C1orf167: variants seen among roughly 807,000 people sequenced by gnomAD.
C1orf167 encodes uncharacterized protein C1orf167.
C1orf167 carries 153 observed loss-of-function variants against 176.5 expected under a neutral mutation model. That is an observed-to-expected ratio of 0.87 (90% CI 0.76 to 0.99). C1orf167 has a LOEUF of 0.99. C1orf167 is among the 50% of genes least tolerant of loss of function. The probability of loss-of-function intolerance (pLI) is 0.00; values close to 1 mark genes in which losing one functional copy is unlikely to be tolerated. For missense variants in C1orf167, 1,490 were observed against 1,817.7 expected (o/e 0.82, Z 3.28); for synonymous variants, 594 against 752.7 (o/e 0.79, Z 3.45).
At chr1:11,775,692 T>G in intron 9 of C1orf167, 82 bp downstream of exon 9, 1 of 1,234,938 alleles carries the variant, frequency 8.1e-7, no homozygotes, top group Non-Finnish European at 1.0e-6. Flanking sequence ...ATATGTGAAT[T>G]CTTGTGGGAG....
intron 8 of C1orf167, among the ~76,000 whole-genome samples, chr1:11,774,562 G>A (rs576698239): frequency 4.5e-4 from 69 of 152,300 alleles, no homozygotes; most frequent in African/African-American, 1.5e-3. Context: ...GCCTGGTGGA[G>A]GAAGATCAGA....
chr1:11,781,421 G>A (rs1055590266), intron 13 of C1orf167, among the ~76,000 whole-genome samples: 3 of 152,144 alleles, frequency 2.0e-5, no homozygotes, highest in Admixed American at 1.3e-4. Flanking sequence ...CCCAGGACAC[G>A]AACACAGGAT....
Position 11,788,170 on chromosome 1 carries a change from G to C in C1orf167, c.3870G>C (p.Leu1290=), listed in dbSNP as rs558100195. The C allele has an allele frequency of 2.3e-6, 3 of 1,290,752 alleles. No homozygotes were observed. Among genetic ancestry groups the C allele is most frequent in the Non-Finnish European group, 3.1e-6 (3 of 978,054 alleles). 80.0% of individuals were successfully genotyped at this position (1,290,752 alleles called of 1,614,324 possible). A position where few individuals can be genotyped will look rare whatever the true frequency, so the allele number is the denominator to read the frequency against. ...RRLRARSCRI[L]EKQAQAHGSA... ...CCAGTGCTCGTTCCTGCAGGATCCT[G>C]GAAAAGCAGGCCCAGGCCCATGGCT... The change falls in exon 19 of 21, where the codon CTG becomes CTC. Residue 1290 remains leucine (L), a synonymous_variant. Coordinates refer to ENST00000688073, the MANE Select transcript of C1orf167 (RefSeq NM_001010881.2).
intron 4 of C1orf167, 56 bp downstream of exon 4, chr1:11,767,320 A>G: frequency 8.0e-7 from 1 of 1,247,318 alleles, no homozygotes; most frequent in South Asian, 1.3e-5. Flanking sequence ...CGTGCTCAGG[A>G]CTCCGCTCCC....
rs754180384 is a variant in C1orf167 at position 11,767,088 on chromosome 1, AGAGGCCCGGG to A, written c.1299+9_1299+18del. 4 of 1,243,686 alleles carry A rather than the reference AGAGGCCCGGG, an allele frequency of 3.2e-6. No homozygotes were observed. The South Asian group carries it at 4.1e-5, about 13-fold the overall frequency. The allele number at this position is 1,243,686 out of a possible 1,614,324, so 77.0% of individuals were successfully genotyped here. On this transcript the variant is annotated splice_donor_5th_base_variant and intron_variant, in intron 3 of 20. Transcript: ENST00000688073. ...TCCCAGCGAGCAGTGCGTCGAAGGT[AGAGGCCCGGG>A]GAGGCTGGAGGTGGGGTAGGGGGTA...
chr1:11,764,121 G>T (rs569502966), intron 1 of C1orf167, among the ~76,000 whole-genome samples: 1 of 152,182 alleles, frequency 6.6e-6, no homozygotes, highest in East Asian at 1.9e-4. Context: ...GCAGGATGGG[G>T]CAGCATTTGA....
In C1orf167 at chr1:11,767,054, C is replaced by T. The variant is rs1642833145; in HGVS notation, c.1268C>T (p.Ser423Leu). Residue 423 changes from serine to leucine, a missense_variant, in exon 3 of 21, where the codon TCA becomes TTA. By Grantham distance (145) the Ser-to-Leu change is moderately radical. Coordinates refer to ENST00000688073, the MANE Select transcript of C1orf167 (RefSeq NM_001010881.2). ...REEERTAFHL[S>L]DTVPASSASK... ...GAGGAGAGGACAGCTTTCCATCTGT[C>T]AGACACAGTCCCAGCGAGCAGTGCG... 6 of 1,228,806 alleles carry T rather than the reference C, an allele frequency of 4.9e-6. No homozygotes were observed. Among genetic ancestry groups the T allele is most frequent in the Non-Finnish European group, 6.3e-6 (6 of 957,014 alleles). The allele number at this position is 1,228,806 out of a possible 1,614,324, so 76.1% of individuals were successfully genotyped here. A position where few individuals can be genotyped will look rare whatever the true frequency, so the allele number is the denominator to read the frequency against.
At chr1:11,788,116 A>G (rs1454887623) in intron 18 of C1orf167, 33 bp from the exon 19 acceptor site, 2 of 1,276,516 alleles carry the variant, frequency 1.6e-6, no homozygotes, top group African/African-American at 1.5e-5. Context: ...GGCTTGCCTG[A>G]GCCATGGCTA....
rs1642923671 is a variant in C1orf167 at position 11,768,899 on chromosome 1, C to G, written c.1543-74C>G. On this transcript the variant is annotated intron_variant, in intron 5 of 20. Transcript: ENST00000688073. This position sits in a 1 kb window ranked among gnomAD's most constrained non-coding sequence, Gnocchi z 4.5. ...TGATAGGCATGTGTTACTCCTGTCC[C>G]CGCCCCTGCCTGGTGTTCCCTTGGG... The G allele has an allele frequency of 5.2e-6, 5 of 966,626 alleles. No homozygotes were observed. In the Admixed American group the frequency reaches 3.1e-4, roughly 59 times the overall value. The allele number at this position is 966,626 out of a possible 1,614,324, so 59.9% of individuals were successfully genotyped here. A position where few individuals can be genotyped will look rare whatever the true frequency, so the allele number is the denominator to read the frequency against.
At chr1:11,767,311 G>A (rs907214722) in intron 4 of C1orf167, 47 bp downstream of exon 4, 25 of 1,263,242 alleles carry the variant, frequency 2.0e-5, no homozygotes, top group African/African-American at 6.1e-5. Flanking sequence ...TGGGGGACAC[G>A]TGCTCAGGAC....
chr1:11,778,500 G>C, intron 10 of C1orf167, 160 bp from the exon 11 acceptor site: 1 of 517,816 alleles, frequency 1.9e-6, no homozygotes, highest in Non-Finnish European at 2.9e-6. Context: ...AGCCGCTGTG[G>C]GGGGCAGCAG....
intron 14 of C1orf167, among the ~76,000 whole-genome samples, chr1:11,783,083 T>A (rs962042169): frequency 2.0e-5 from 3 of 152,072 alleles, no homozygotes; most frequent in Non-Finnish European, 2.9e-5. Context: ...TGTATACAGT[T>A]CATGAATGCA....
intron 2 of C1orf167, among the ~76,000 whole-genome samples, chr1:11,765,074 A>G (rs1179284095): frequency 1.3e-5 from 2 of 150,916 alleles, no homozygotes; most frequent in Non-Finnish European, 3.0e-5. Context: ...AAAAAAAAAA[A>G]AAAGAAAGCC....
chr1:11,766,503 G>T lies in C1orf167; in HGVS notation c.717G>T (p.Gln239His), dbSNP rs1267800200. The change falls in exon 3 of 21, where the codon CAG (glutamine) becomes CAT (histidine). Residue 239 changes from glutamine to histidine, a missense_variant. Physicochemically the swap from Gln to His is conservative, Grantham distance 24. Transcript: ENST00000688073. The surrounding 1 kb of genome is among the most constrained non-coding windows in gnomAD (Gnocchi z 4.5). ...CCCCATCCCGTGCTGCCGTCCACCA[G>T]CTGCTGGCTTCTGTACATTGCCTGG... ...TQAPSRAAVH[Q>H]LLASVHCLAQ... 1 of 1,279,836 alleles carries T rather than the reference G, an allele frequency of 7.8e-7. No individual in the cohort carries two copies. The highest frequency in any genetic ancestry group is 2.4e-5 in the Admixed American group (1 of 42,214). 79.3% of individuals were successfully genotyped at this position (1,279,836 alleles called of 1,614,324 possible). A position where few individuals can be genotyped will look rare whatever the true frequency, so the allele number is the denominator to read the frequency against.
chr1:11,780,371 A>G (rs4846046), intron 13 of C1orf167, among the ~76,000 whole-genome samples: 142,968 of 152,164 alleles, frequency 0.94, 67,818 homozygotes, highest in East Asian at 1. Context: ...TGAAATTTCC[A>G]AGAGGGACAG....
chr1:11,784,260 G>T lies in C1orf167; in HGVS notation c.3092G>T (p.Arg1031Ile). 1 of 1,301,954 alleles carries T rather than the reference G, an allele frequency of 7.7e-7. No homozygotes were observed. The highest frequency in any genetic ancestry group is 1.0e-6 in the Non-Finnish European group (1 of 987,724). The allele number at this position is 1,301,954 out of a possible 1,614,324, so 80.7% of individuals were successfully genotyped here. A position where few individuals can be genotyped will look rare whatever the true frequency, so the allele number is the denominator to read the frequency against. The change falls in exon 15 of 21, where the codon AGA becomes ATA. Residue 1031 changes from arginine to isoleucine, a missense_variant. Arg to Ile is a moderately conservative substitution (Grantham distance 97). Transcript: ENST00000688073. ...GCCTTTCAGGATGGCCTGAGGAGAA[G>T]AGCACTGGGGGCCGTGTTTGCCACA... ...HQAFQDGLRR[R>I]ALGAVFATWR... is the part of the protein sequence containing the mutation.
At chr1:11,762,415 G>T (rs1037171071) in intron 1 of C1orf167, 110 bp downstream of exon 1, 2 of 349,630 alleles carry the variant, frequency 5.7e-6, no homozygotes, top group East Asian at 7.5e-5. Context: ...GGAGTGGGAG[G>T]GGGGAGTCTG....
intron 6 of C1orf167, among the ~76,000 whole-genome samples, chr1:11,771,187 C>G (rs114951726): frequency 0.1 from 14,914 of 146,436 alleles, 818 homozygotes; most frequent in South Asian, 0.19. Flanking sequence ...CTAAAGTCCT[C>G]GGATTACAGG....
At position 11,766,777 on chromosome 1, in the gene C1orf167, T is replaced by A. The variant is rs772832300; in HGVS notation, c.991T>A (p.Leu331Met). The A allele has an allele frequency of 1.6e-6, 2 of 1,289,652 alleles. No homozygotes were observed. The highest frequency in any genetic ancestry group is 2.3e-5 in the Admixed American group (1 of 43,550). The allele number at this position is 1,289,652 out of a possible 1,614,324, so 79.9% of individuals were successfully genotyped here. The change falls in exon 3 of 21, where the codon TTG becomes ATG. Residue 331 changes from leucine to methionine, a missense_variant. Physicochemically the swap from Leu to Met is conservative, Grantham distance 15. Coordinates refer to ENST00000688073, the MANE Select transcript of C1orf167 (RefSeq NM_001010881.2). The surrounding 1 kb of genome is among the most constrained non-coding windows in gnomAD (Gnocchi z 4.5). ...CAAGCTAATGTCACCTGAGACCACT[T>A]TGGGGACACGGACCAAGGATTCCCT... Reference protein sequence around the residue: ...QSKLMSPETTLGTRTKDSLNP... With the variant: ...QSKLMSPETTMGTRTKDSLNP...
Sources: gnomAD v4.1 joint callset for allele counts (sites outside exome capture counted in the v4.1 genomes callset) on GRCh38, gnomAD v4.1.1 for gene constraint, Gnocchi (gnomAD v3.1) non-coding constraint, MANE v1.5 for transcripts, NCBI Gene and HGNC (gene_info 2026-07-23, HGNC 2026-07-21) for gene names.